Variants in FAM178B observed in about 807,000 individuals in gnomAD.
FAM178B encodes the protein protein FAM178B.
Under a neutral mutation model 91.7 loss-of-function variants are expected in FAM178B, and 82 were observed. That is an observed-to-expected ratio of 0.89 (90% CI 0.75 to 1.07). The LOEUF is 1.07. Among genes scored for constraint, FAM178B ranks in the 50% least tolerant of loss-of-function variants. The pLI is 0.00. For missense variants in FAM178B, 769 were observed against 846.7 expected, an observed-to-expected ratio of 0.91 and a Z score of 1.14; for synonymous variants, 368 against 359.4, an observed-to-expected ratio of 1.02 and a Z score of -0.27.
At chr2:96,953,711 G>T (rs928639794) in intron 6 of FAM178B, among the ~76,000 whole-genome samples, 1 of 152,192 alleles carries the variant, frequency 6.6e-6, no homozygotes, top group Non-Finnish European at 1.5e-5. Flanking sequence ...CTGTGTTTAG[G>T]GTTAGAGGCA....
intron 12 of FAM178B, among the ~76,000 whole-genome samples, chr2:96,914,715 C>G (rs899278691): frequency 1.3e-5 from 2 of 152,070 alleles, no homozygotes; most frequent in Non-Finnish European, 2.9e-5. Flanking sequence ...ACAGGGAGAT[C>G]CTGTCTCTAC....
At chr2:96,956,638 T>C (rs1234497909) in intron 6 of FAM178B, 2 of 152,222 alleles carry the variant, frequency 1.3e-5, no homozygotes, top group South Asian at 2.1e-4. Context: ...ATAAAAATGA[T>C]ATACGTTCAC....
At chr2:96,958,696 CTAAAAAAAA>C (rs2082036836) in intron 6 of FAM178B, among the ~76,000 whole-genome samples, 1 of 29,890 alleles carries the variant, frequency 3.3e-5, no homozygotes, top group Non-Finnish European at 5.6e-5. Context: ...TCTCAAAATA[CTAAAAAAAA>C]AAAAAAAAAA....
intron 14 of FAM178B, among the ~76,000 whole-genome samples, chr2:96,879,803 C>T (rs917655656): frequency 1.3e-5 from 2 of 152,254 alleles, no homozygotes; most frequent in African/African-American, 4.8e-5. Flanking sequence ...TCTCTGAAGC[C>T]CAGCTCCCTC....
chr2:96,928,213 G>A (rs1574262651), intron 9 of FAM178B, among the ~76,000 whole-genome samples: 1 of 152,322 alleles, frequency 6.6e-6, no homozygotes, highest in East Asian at 1.9e-4. Context: ...TCAGCGGGAA[G>A]CATGGGGGGA....
chr2:96,909,282 T>C (rs73960686), intron 12 of FAM178B, among the ~76,000 whole-genome samples: 6,127 of 152,278 alleles, frequency 0.04, 413 homozygotes, highest in African/African-American at 0.14. Flanking sequence ...GTGCAGTATC[T>C]GCCAAGACAG....
chr2:96,924,436 A>G (rs1388775846), intron 9 of FAM178B, among the ~76,000 whole-genome samples: 3 of 152,184 alleles, frequency 2.0e-5, no homozygotes, highest in African/African-American at 7.2e-5. Context: ...CGAGTGACGG[A>G]CCCAATCTGG....
At chr2:96,965,273 G>A (rs997495872) in intron 5 of FAM178B, among the ~76,000 whole-genome samples, 21 of 152,144 alleles carry the variant, frequency 1.4e-4, no homozygotes, top group African/African-American at 4.1e-4. Context: ...CTCCCAAAGC[G>A]CTGGGATTAC....
rs533990518 is a variant in FAM178B at position 96,900,221 on chromosome 2, C to A, written c.1650+2399G>T. On this transcript the variant is annotated intron_variant, in intron 13 of 16. Coordinates refer to ENST00000490605, the MANE Select transcript of FAM178B (RefSeq NM_001122646.3). ...CCAGGCACCCCATCTTGTGCTCCCCCCTGCCTCTAACTGCTGGCTGTTCCC... is the reference window on the plus strand; with the variant it reads ...CCAGGCACCCCATCTTGTGCTCCCCACTGCCTCTAACTGCTGGCTGTTCCC... Among the ~76,000 whole-genome samples the A allele has an allele frequency of 4.6e-5, 7 of 152,294 alleles. No individual in the cohort carries two copies. The East Asian group carries it at 5.8e-4, about 13-fold the overall frequency.
Position 96,975,006 on chromosome 2 carries a change from G to A in FAM178B, c.74-2400C>T, listed in dbSNP as rs140195628. Reference sequence around the variant, plus strand: ...CTCGGGAGACTGAGGCAGGAGAATCGTTTGAACCCGGGAGGCGGAGGTTGC... The same window carrying A: ...CTCGGGAGACTGAGGCAGGAGAATCATTTGAACCCGGGAGGCGGAGGTTGC... On this transcript the variant is annotated intron_variant, in intron 1 of 16. Transcript: ENST00000490605. 1.9e-4 allele frequency among the ~76,000 whole-genome samples: 26 copies of A among 140,234 alleles called. No individual in the cohort carries two copies. The East Asian group carries it at 3.4e-3, about 18-fold the overall frequency. 92.0% of individuals were successfully genotyped at this position (140,234 alleles called of 152,430 possible).
At chr2:96,906,772 G>A (rs1470587751) in intron 12 of FAM178B, among the ~76,000 whole-genome samples, 2 of 152,194 alleles carry the variant, frequency 1.3e-5, no homozygotes, top group South Asian at 2.1e-4. Context: ...GACAGGGCCA[G>A]CTTTCCAGCT....
intron 1 of FAM178B, 112 bp downstream of exon 1, chr2:96,986,129 C>G: frequency 2.0e-6 from 3 of 1,486,050 alleles, no homozygotes; most frequent in South Asian, 1.3e-5. Context: ...GCCCGGCGGC[C>G]GCACCGGGGC....
intron 8 of FAM178B, among the ~76,000 whole-genome samples, chr2:96,946,375 T>G (rs1428127765): frequency 3.3e-5 from 5 of 152,196 alleles, no homozygotes; most frequent in Non-Finnish European, 7.3e-5. Flanking sequence ...AGAACCTGGG[T>G]ACGCAACTAT....
At chr2:96,938,999 T>TG (rs2081678682) in intron 8 of FAM178B, 1 of 151,698 alleles carries the variant, frequency 6.6e-6, no homozygotes, top group Admixed American at 6.6e-5. Context: ...GGTCAGGAGT[T>TG]GGAGACCAGC....
At chr2:96,960,955 G>A (rs889983634) in intron 5 of FAM178B, among the ~76,000 whole-genome samples, 1 of 152,142 alleles carries the variant, frequency 6.6e-6, no homozygotes, top group African/African-American at 2.4e-5. Flanking sequence ...AAGCAGGAGG[G>A]TCTTGAGCCC....
At chr2:96,931,843 T>G (rs2081544876) in intron 8 of FAM178B, among the ~76,000 whole-genome samples, 1 of 151,882 alleles carries the variant, frequency 6.6e-6, no homozygotes. Flanking sequence ...AGGAAAAACT[T>G]TCTTGTTTGT....
intron 5 of FAM178B, among the ~76,000 whole-genome samples, chr2:96,963,983 C>T (rs2082113594): frequency 6.6e-6 from 1 of 152,088 alleles, no homozygotes; most frequent in South Asian, 2.1e-4. Flanking sequence ...TGTTCAAGAC[C>T]AGCCTGGCCA....
At chr2:96,923,396 G>A (rs1418819082) in intron 10 of FAM178B, 94 bp downstream of exon 10, 22 of 993,312 alleles carry the variant, frequency 2.2e-5, no homozygotes, top group East Asian at 1.8e-4. Context: ...TGAGCTCGCC[G>A]GAGATTCTCC....
At position 96,911,221 on chromosome 2, in the gene FAM178B, C is replaced by T. The variant is rs1392766027; in HGVS notation, c.1563-8514G>A. Among the ~76,000 whole-genome samples the T allele has an allele frequency of 2.0e-5, 3 of 152,188 alleles. No homozygotes were observed. In the East Asian group the frequency reaches 5.8e-4, roughly 29 times the overall value. On this transcript the variant is annotated intron_variant, in intron 12 of 16. Coordinates refer to ENST00000490605, the MANE Select transcript of FAM178B (RefSeq NM_001122646.3). ...GGCCACAGCACCTGTCCCTCTGATGCTCACGGCCCGCGTCAGTGAGGGGGA... is the reference window on the plus strand; with the variant it reads ...GGCCACAGCACCTGTCCCTCTGATGTTCACGGCCCGCGTCAGTGAGGGGGA...
Sources: allele counts gnomAD v4.1 joint callset (sites outside exome capture counted in the v4.1 genomes callset), GRCh38; gene constraint gnomAD v4.1.1; transcripts MANE v1.5; gene names NCBI Gene and HGNC (gene_info 2026-07-23, HGNC 2026-07-21).